The following ROBO2 variants were observed in gnomAD, a reference collection of about 807,000 sequenced individuals.
ROBO2 encodes roundabout homolog 2.
ROBO2 carries 53 observed loss-of-function variants against 160.8 expected under a neutral mutation model. The ratio of observed to expected loss-of-function variants is 0.33; its 90% CI spans 0.26 to 0.41. ROBO2 has a LOEUF of 0.41. Ranked by LOEUF, ROBO2 falls within the 10% of genes least tolerant of loss-of-function variation. The pLI is 1.00. For missense variants in ROBO2, 1,577 were observed against 1,722.4 expected, an observed-to-expected ratio of 0.92 and a Z score of 1.49; for synonymous variants, 664 against 611.7, an observed-to-expected ratio of 1.09 and a Z score of -1.26.
At chr3:76,000,614 G>A (rs911742252) in intron 2 of ROBO2, among the ~76,000 whole-genome samples, 25 of 150,682 alleles carry the variant, frequency 1.7e-4, no homozygotes, top group Admixed American at 6.6e-4. Context: ...TCAGCCTCCC[G>A]AGTAGCTGGG....
intron 2 of ROBO2, among the ~76,000 whole-genome samples, chr3:77,259,509 C>A (rs1219753295): frequency 1.3e-5 from 2 of 152,102 alleles, no homozygotes; most frequent in East Asian, 3.9e-4. Flanking sequence ...ATGATTACAG[C>A]TGAACGAAAG....
At position 76,696,699 on chromosome 3, in the gene ROBO2, T is replaced by A. The variant is rs539335209; in HGVS notation, c.110-401315T>A. ...GCATCTCAAGGGTACAGAGCTATGA[T>A]ACGGGTCTTCCAATTAAAGTCAACA... On this transcript the variant is annotated intron_variant, in intron 2 of 26. Coordinates refer to the ROBO2 transcript ENST00000487694. 5.3e-5 allele frequency among the ~76,000 whole-genome samples: 8 copies of A among 152,336 alleles called. No homozygotes were observed. The South Asian group carries it at 1.7e-3, about 32-fold the overall frequency.
At chr3:77,207,346 C>T (rs902587908) in intron 2 of ROBO2, among the ~76,000 whole-genome samples, 2 of 152,098 alleles carry the variant, frequency 1.3e-5, no homozygotes, top group Non-Finnish European at 2.9e-5. Context: ...AAAATCCATT[C>T]GGACAGTCAC....
intron 24 of ROBO2, chr3:77,642,788 G>T: frequency 2.2e-6 from 1 of 456,722 alleles, no homozygotes; most frequent in Non-Finnish European, 4.4e-6. Flanking sequence ...TCTCTAGAGA[G>T]ACAACATGCA....
intron 2 of ROBO2, among the ~76,000 whole-genome samples, chr3:76,137,967 A>G (rs928709617): frequency 6.6e-6 from 1 of 152,032 alleles, no homozygotes; most frequent in Admixed American, 6.6e-5. Flanking sequence ...CATCTGCAAA[A>G]TATCCTTTGC....
intron 2 of ROBO2, among the ~76,000 whole-genome samples, chr3:75,941,986 C>A (rs1272724858): frequency 6.6e-6 from 1 of 152,104 alleles, no homozygotes; most frequent in Non-Finnish European, 1.5e-5. Context: ...TCTGTCTTTG[C>A]CTCCATTCGG....
chr3:77,144,283 A>T (rs2076949966), intron 2 of ROBO2, among the ~76,000 whole-genome samples: 1 of 152,138 alleles, frequency 6.6e-6, no homozygotes, highest in African/African-American at 2.4e-5. Context: ...CATTCTCCTA[A>T]TACCTTTACC....
Position 77,392,124 on chromosome 3 carries a change from T to C in ROBO2, c.389-85290T>C, listed in dbSNP as rs139350085. Among the ~76,000 whole-genome samples, 53 of 152,298 alleles carry C rather than the reference T, an allele frequency of 3.5e-4. No homozygotes were observed. The East Asian group carries it at 9.6e-3, about 28-fold the overall frequency. On this transcript the variant is annotated intron_variant, in intron 2 of 25. Coordinates refer to ENST00000461745, the Ensembl canonical transcript of ROBO2. ...GAAGTATATTCATCTATTCTTTGAC[T>C]TCATAAATTATATTTAGACTACTAG...
At chr3:77,277,844 G>A (rs1287349349) in intron 2 of ROBO2, among the ~76,000 whole-genome samples, 1 of 152,084 alleles carries the variant, frequency 6.6e-6, no homozygotes, top group Non-Finnish European at 1.5e-5. Context: ...GGTCAAACAG[G>A]ATTGTCTTTC....
chr3:76,377,222 A>C (rs1489166175), intron 2 of ROBO2, among the ~76,000 whole-genome samples: 1 of 152,146 alleles, frequency 6.6e-6, no homozygotes, highest in Non-Finnish European at 1.5e-5. Context: ...CTCATGAGAG[A>C]TCTTCTGAAT....
At chr3:76,455,855 A>C (rs903098560) in intron 2 of ROBO2, among the ~76,000 whole-genome samples, 6 of 152,176 alleles carry the variant, frequency 3.9e-5, no homozygotes, top group Non-Finnish European at 7.4e-5. Flanking sequence ...TCTGCATGTC[A>C]TGTCTGGCTG....
intron 2 of ROBO2, among the ~76,000 whole-genome samples, chr3:76,421,023 G>T (rs1046053260): frequency 6.6e-6 from 1 of 152,180 alleles, no homozygotes; most frequent in Non-Finnish European, 1.5e-5. Context: ...GGACTTATCA[G>T]CAGGAAATCA....
intron 2 of ROBO2, among the ~76,000 whole-genome samples, chr3:76,507,463 G>A (rs555386013): frequency 7.9e-4 from 120 of 151,944 alleles, no homozygotes; most frequent in Non-Finnish European, 1.5e-3. Context: ...GAAGAGTCTG[G>A]TGTTTGGAGA....
At chr3:76,106,665 C>G (rs976941071) in intron 2 of ROBO2, among the ~76,000 whole-genome samples, 2 of 152,036 alleles carry the variant, frequency 1.3e-5, no homozygotes, top group African/African-American at 2.4e-5. Flanking sequence ...TGAGAGAAGG[C>G]AAGATGAGCC....
chr3:76,787,277 TGTCACAACATGTGAA>T (rs1242426069), intron 2 of ROBO2, among the ~76,000 whole-genome samples: 1 of 150,928 alleles, frequency 6.6e-6, no homozygotes, highest in Non-Finnish European at 1.5e-5. Flanking sequence ...AATCTTCACA[TGTCACAACATGTGAA>T]GTTTGAATTT....
chr3:76,990,937 G>C (rs1262632201), intron 2 of ROBO2, among the ~76,000 whole-genome samples: 1 of 152,066 alleles, frequency 6.6e-6, no homozygotes, highest in Non-Finnish European at 1.5e-5. Context: ...GGGCCAAGCA[G>C]GCAGCCCACC....
intron 2 of ROBO2, among the ~76,000 whole-genome samples, chr3:77,464,970 A>G (rs887456459): frequency 2.6e-5 from 4 of 152,194 alleles, no homozygotes; most frequent in Non-Finnish European, 5.9e-5. Context: ...ACATTTGAGT[A>G]TTTAGTATCC....
rs370553157 is a variant in ROBO2 at position 77,381,051 on chromosome 3, C to T, written c.389-96363C>T. ...AGCATTTTGGCAGGGCGCAGTGGCT[C>T]ACGCCTGTAATCCCAGCACTTTGGG... On this transcript the variant is annotated intron_variant, in intron 2 of 25. Transcript: ENST00000461745. 2.6e-4 allele frequency among the ~76,000 whole-genome samples: 39 copies of T among 152,332 alleles called. No individual in the cohort carries two copies. In the East Asian group the frequency reaches 3.3e-3, roughly 13 times the overall value.
chr3:76,707,338 G>T (rs1303291011), intron 2 of ROBO2, among the ~76,000 whole-genome samples: 1 of 151,930 alleles, frequency 6.6e-6, no homozygotes, highest in Non-Finnish European at 1.5e-5. Flanking sequence ...GCCATTATTG[G>T]TTAAGTCCAC....
Sources: allele counts gnomAD v4.1 joint callset (sites outside exome capture counted in the v4.1 genomes callset), GRCh38; gene constraint gnomAD v4.1.1; transcripts MANE v1.5; gene names NCBI Gene and HGNC (gene_info 2026-07-23, HGNC 2026-07-21).